Variants in MGAM observed in about 807,000 individuals in gnomAD.
MGAM encodes the protein maltase-glucoamylase, also known as alpha-1,4-glucosidase.
A neutral mutation model predicts 358.8 loss-of-function variants in MGAM; 253 were observed. The observed-to-expected ratio is 0.71, with a 90% CI of 0.64 to 0.78. The LOEUF is 0.78. MGAM is among the 30% of genes least tolerant of loss of function. The pLI, the probability that MGAM is intolerant of heterozygous loss-of-function variation, is 0.00. For synonymous variants in MGAM, 1,105 were observed against 1,227.1 expected (o/e 0.90, Z 2.08); for missense variants, 3,080 against 3,432.6 (o/e 0.90, Z 2.57).
chr7:142,093,487 C>T lies in MGAM; in HGVS notation c.7109C>T (p.Ser2370Phe), dbSNP rs1343591965. 2 of 1,519,812 alleles carry T rather than the reference C, an allele frequency of 1.3e-6. 1 individual carries two copies. Among genetic ancestry groups the T allele is most frequent in the Non-Finnish European group, 1.8e-6 (2 of 1,113,954 alleles). The allele number at this position is 1,519,812 out of a possible 1,614,324, so 94.1% of individuals were successfully genotyped here. A position where few individuals can be genotyped will look rare whatever the true frequency, so the allele number is the denominator to read the frequency against. The stretch of plus-strand genomic sequence containing the variant: ...AGTCAGCAGATCCTCCCAGACGGCT[C>T]CCCGGTGCAGCACTACAATGTGCAC... The part of the protein sequence containing the change: ...MESQQILPDG[S>F]PVQHYNVHNL... Residue 2370 changes from serine (S) to phenylalanine (F), a missense_variant, in exon 60 of 71, where the codon TCC becomes TTC. By Grantham distance (155) the Ser-to-Phe change is radical. Coordinates refer to ENST00000475668, the MANE Select transcript of MGAM (RefSeq NM_001365693.1).
intron 18 of MGAM, among the ~76,000 whole-genome samples, chr7:142,037,415 G>A (rs1449588533): frequency 6.6e-6 from 1 of 152,090 alleles, no homozygotes; most frequent in Non-Finnish European, 1.5e-5. Flanking sequence ...ATACAAATGA[G>A]GATATTATAA....
intron 36 of MGAM, 146 bp from the exon 37 acceptor site, chr7:142,064,238 C>A: frequency 8.3e-7 from 1 of 1,203,996 alleles, no homozygotes; most frequent in East Asian, 2.6e-5. Context: ...GAGCTGGGGG[C>A]GCTGTGCTCA....
chr7:142,105,735 G>A, intron 70 of MGAM, 79 bp from the exon 71 acceptor site: 2 of 1,064,238 alleles, frequency 1.9e-6, no homozygotes, highest in South Asian at 1.3e-5. Flanking sequence ...TATTTGGACT[G>A]GATACTTGCA....
At chr7:141,993,572 T>A (rs1402858032), upstream of MGAM, among the ~76,000 whole-genome samples, 1 of 152,202 alleles carries the variant, frequency 6.6e-6, no homozygotes, top group Non-Finnish European at 1.5e-5. Flanking sequence ...TGGAGGAAGG[T>A]CCACTTAGTA....
At chr7:142,021,806 G>C in intron 6 of MGAM, 69 bp downstream of exon 6, 1 of 1,514,270 alleles carries the variant, frequency 6.6e-7, no homozygotes, top group Non-Finnish European at 9.1e-7. Flanking sequence ...GCATGAAGAA[G>C]GGGGTGTTTC....
chr7:142,065,338 C>G lies in MGAM; in HGVS notation c.4488C>G (p.Ala1496=). The G allele has an allele frequency of 6.2e-7, 1 of 1,608,632 alleles. No homozygotes were observed. The highest frequency in any genetic ancestry group is 8.5e-7 in the Non-Finnish European group (1 of 1,178,004). The change falls in exon 38 of 71, where the codon GCC becomes GCG. Residue 1496 remains alanine (A), a synonymous_variant. Coordinates refer to ENST00000475668, the MANE Select transcript of MGAM (RefSeq NM_001365693.1). ...GWSQTRPTYE[A]VQEVTGQRGV... ...CCTCCTGTTCCCTTCCAAGCAGAGC[C>G]GTGCAGGAGGTGACGGGACAGCGAG...
Position 142,094,408 on chromosome 7 carries a change from G to A in MGAM, c.7217G>A (p.Arg2406His), listed in dbSNP as rs762299998. 1.7e-5 allele frequency: 26 copies of A among 1,534,282 alleles called. 1 individual carries two copies. Among genetic ancestry groups the A allele is most frequent in the Middle Eastern group, 1.8e-4 (1 of 5,574 alleles). The change falls in exon 61 of 71, where the codon CGC becomes CAC. Residue 2406 changes from arginine to histidine, a missense_variant. This residue lies in a region of MGAM where 932 missense variants were observed against 1,198.2 expected (regional missense o/e 0.78). Transcript: ENST00000475668. ...VTGQRGVVIT[R>H]STFPSSGRWA... ...GGACAGCGAGGGGTCGTCATCACCC[G>A]CTCCACATTTCCCTCTTCTGGCCGC...
chr7:142,082,077 A>G lies in MGAM; in HGVS notation c.6038A>G (p.Asp2013Gly). 1.3e-6 allele frequency: 2 copies of G among 1,555,494 alleles called. No homozygotes were observed. The highest frequency in any genetic ancestry group is 2.2e-5 in the South Asian group (2 of 89,184). The change falls in exon 51 of 71, where the codon GAC (aspartate) becomes GGC (glycine). Residue 2013 changes from aspartate (D) to glycine (G), a missense_variant. Transcript: ENST00000475668. ...DSQLLGFTFN[D>G]MFIRISTRLP... ...CAGCTCCTTGGCTTCACCTTCAATG[A>G]CATGTTTATCCGCATCTCCACCCGC...
At chr7:142,016,298 C>T (rs1027081479) in intron 3 of MGAM, among the ~76,000 whole-genome samples, 3 of 152,070 alleles carry the variant, frequency 2.0e-5, no homozygotes, top group Non-Finnish European at 4.4e-5. Context: ...TTCGTGTTGG[C>T]GAAAGAGCCT....
At position 142,093,483 on chromosome 7, in the gene MGAM, G is replaced by A. The variant is rs758733173; in HGVS notation, c.7105G>A (p.Gly2369Ser). Residue 2369 changes from glycine to serine, a missense_variant, in exon 60 of 71, where the codon GGC (glycine) becomes AGC (serine). Gly to Ser is a moderately conservative substitution (Grantham distance 56). Around this residue, in one of 5 missense-constraint regions of MGAM, gnomAD observed 932 missense variants for 1,198.2 expected, o/e 0.78. Transcript: ENST00000475668. ...GGAGAGTCAGCAGATCCTCCCAGAC[G>A]GCTCCCCGGTGCAGCACTACAATGT... is the stretch of plus-strand genomic sequence containing the variant. ...CMESQQILPDGSPVQHYNVHN... is the reference protein window; with the variant it reads ...CMESQQILPDSSPVQHYNVHN... 1.3e-4 allele frequency: 202 copies of A among 1,523,406 alleles called. 39 individuals are homozygous for A. Among genetic ancestry groups the A allele is most frequent in the Non-Finnish European group, 1.6e-4 (175 of 1,115,794 alleles). 94.4% of individuals were successfully genotyped at this position (1,523,406 alleles called of 1,614,324 possible).
intron 22 of MGAM, among the ~76,000 whole-genome samples, chr7:142,049,917 A>T (rs2961088): frequency 0.45 from 68,417 of 152,064 alleles, 17,402 homozygotes; most frequent in Non-Finnish European, 0.56. Context: ...CAGAACTTCC[A>T]TACAATCCCA....
rs1394279073 is a variant in MGAM, at chr7:142,043,080, TATA to T, written c.2498+2238_2498+2240del. ...ATTATATATACATATAATATCTAAA[TATA>T]ATATATATATTATATATACATATAA... On this transcript the variant is annotated intron_variant, in intron 21 of 70. Coordinates refer to ENST00000475668, the MANE Select transcript of MGAM (RefSeq NM_001365693.1). 6.0e-5 allele frequency among the ~76,000 whole-genome samples: 4 copies of T among 66,412 alleles called. No homozygotes were observed. In the East Asian group the frequency reaches 1.5e-3, roughly 26 times the overall value. 43.6% of individuals were successfully genotyped at this position (66,412 alleles called of 152,430 possible).
intron 17 of MGAM, 143 bp downstream of exon 17, chr7:142,036,428 C>T (rs1808003006): frequency 1.5e-6 from 1 of 678,710 alleles, no homozygotes; most frequent in South Asian, 1.8e-5. Flanking sequence ...GTGCAATTAA[C>T]CAGAATCTGT....
At chr7:142,095,459 TG>T in intron 63 of MGAM, 105 bp from the exon 64 acceptor site, 1 of 1,506,024 alleles carries the variant, frequency 6.6e-7, no homozygotes, top group Non-Finnish European at 9.0e-7. Context: ...AGTTTTCTTT[TG>T]TTTAGCTGTG....
At chr7:142,018,306 C>T (rs985539137) in intron 3 of MGAM, among the ~76,000 whole-genome samples, 34 of 152,188 alleles carry the variant, frequency 2.2e-4, no homozygotes, top group African/African-American at 8.2e-4. Context: ...TAGCTGGAGA[C>T]CTCCCTCAGT....
intron 40 of MGAM, among the ~76,000 whole-genome samples, chr7:142,066,057 G>A (rs188206185): frequency 2.1e-5 from 3 of 143,868 alleles, no homozygotes; most frequent in African/African-American, 7.3e-5. Context: ...TCCACCTCTG[G>A]GGCTAAAGCG....
intron 57 of MGAM, among the ~76,000 whole-genome samples, chr7:142,088,399 GTATC>G (rs369423739): frequency 3.5e-5 from 5 of 144,768 alleles, no homozygotes; most frequent in East Asian, 4.1e-4. Context: ...TACTGAACAA[GTATC>G]TATCTATCTA....
At chr7:142,007,005 A>G (rs1805217588) in intron 2 of MGAM, among the ~76,000 whole-genome samples, 1 of 152,100 alleles carries the variant, frequency 6.6e-6, no homozygotes, top group African/African-American at 2.4e-5. Context: ...GTCCCCATAA[A>G]CTTTTTGTGA....
chr7:142,031,480 T>A (rs892740794), intron 12 of MGAM, among the ~76,000 whole-genome samples, 200 bp from the exon 13 acceptor site: 1 of 152,210 alleles, frequency 6.6e-6, no homozygotes, highest in Admixed American at 6.5e-5. Flanking sequence ...ACTTAAACAT[T>A]TTTTTAAATG....
Sources: gnomAD v4.1 joint callset for allele counts (sites outside exome capture counted in the v4.1 genomes callset) on GRCh38, gnomAD v4.1.1 for gene constraint, gnomAD v4.1.1 regional missense constraint, MANE v1.5 for transcripts, NCBI Gene and HGNC (gene_info 2026-07-23, HGNC 2026-07-21) for gene names.